Variants in ZSWIM5 observed in about 807,000 individuals in gnomAD.
ZSWIM5 encodes zinc finger SWIM domain-containing protein 5.
ZSWIM5 carries 55 observed loss-of-function variants against 119.6 expected under a neutral mutation model. That is an observed-to-expected ratio of 0.46 (90% confidence interval 0.37 to 0.58). ZSWIM5 has a LOEUF of 0.58. ZSWIM5 is among the 20% of genes least tolerant of loss of function. The pLI is 0.00. For synonymous variants in ZSWIM5, 537 were observed against 606.9 expected (o/e 0.88, Z 1.69); for missense variants, 1,193 against 1,512.8 (o/e 0.79, Z 3.51).
At chr1:45,193,425 G>T (rs1646103418) in intron 1 of ZSWIM5, among the ~76,000 whole-genome samples, 1 of 152,100 alleles carries the variant, frequency 6.6e-6, no homozygotes, top group Non-Finnish European at 1.5e-5. Flanking sequence ...TACTATTGTG[G>T]GGTAAGAGAA....
chr1:45,106,020 G>A (rs972186717), intron 1 of ZSWIM5, among the ~76,000 whole-genome samples: 28 of 130,334 alleles, frequency 2.1e-4, no homozygotes, highest in South Asian at 5.3e-4. Context: ...CGGCCGCCCC[G>A]TCTGGGAGGT....
At chr1:45,058,419 C>G (rs1645134819) in intron 4 of ZSWIM5, among the ~76,000 whole-genome samples, 190 bp downstream of exon 4, 1 of 152,192 alleles carries the variant, frequency 6.6e-6, no homozygotes, top group South Asian at 2.1e-4. Context: ...ATGTCAATAG[C>G]AAAGCACAAT....
chr1:45,090,196 G>T (rs1645356892), intron 1 of ZSWIM5, among the ~76,000 whole-genome samples: 1 of 152,092 alleles, frequency 6.6e-6, no homozygotes, highest in African/African-American at 2.4e-5. Context: ...ATCACATAAA[G>T]CCACATTTAG....
chr1:45,163,610 C>A (rs1050669340), intron 1 of ZSWIM5, among the ~76,000 whole-genome samples: 1 of 152,158 alleles, frequency 6.6e-6, no homozygotes, highest in Non-Finnish European at 1.5e-5. Flanking sequence ...CTAGAATAAA[C>A]AGCATAGAGA....
At chr1:45,186,999 T>C (rs900002245) in intron 1 of ZSWIM5, among the ~76,000 whole-genome samples, 2 of 152,174 alleles carry the variant, frequency 1.3e-5, no homozygotes, top group African/African-American at 4.8e-5. Context: ...GTAGTTTCCT[T>C]ATAGAACACT....
chr1:45,205,297 TC>T (rs1325965392), intron 1 of ZSWIM5, among the ~76,000 whole-genome samples: 1 of 152,142 alleles, frequency 6.6e-6, no homozygotes, highest in East Asian at 1.9e-4. Flanking sequence ...GGGGCTTTTT[TC>T]CCAGTGTTAA....
At position 45,084,896 on chromosome 1, in the gene ZSWIM5, C is replaced by A. The variant is rs1408195446; in HGVS notation, c.952+2985G>T. 2.6e-5 allele frequency among the ~76,000 whole-genome samples: 4 copies of A among 152,224 alleles called. 1 individual carries two copies. The highest frequency in any genetic ancestry group is 2.6e-4 in the Admixed American group (4 of 15,286). On this transcript the variant is annotated intron_variant, in intron 2 of 13. Coordinates refer to ENST00000359600, the MANE Select transcript of ZSWIM5 (RefSeq NM_020883.2). Reference sequence around the variant, plus strand: ...GTTGGTGGATATACCATCCTGGGATCTGGAGGACAGTAGCCCCCTTCTCAG... The same window carrying A: ...GTTGGTGGATATACCATCCTGGGATATGGAGGACAGTAGCCCCCTTCTCAG...
chr1:45,062,692 A>G (rs1035875452), intron 2 of ZSWIM5, among the ~76,000 whole-genome samples: 3 of 152,042 alleles, frequency 2.0e-5, no homozygotes, highest in African/African-American at 7.3e-5. Context: ...TTTTTTGTAG[A>G]GATAGGGTCT....
intron 4 of ZSWIM5, among the ~76,000 whole-genome samples, 176 bp downstream of exon 4, chr1:45,058,433 G>A (rs967285081): frequency 7.2e-5 from 11 of 152,226 alleles, no homozygotes; most frequent in African/African-American, 2.4e-4. Flanking sequence ...GCACAATGCT[G>A]TGGAAGCAAC....
At chr1:45,149,109 T>G (rs1429742961) in intron 1 of ZSWIM5, among the ~76,000 whole-genome samples, 2 of 147,868 alleles carry the variant, frequency 1.4e-5, no homozygotes, top group Non-Finnish European at 3.0e-5. Flanking sequence ...CCTCTACAAT[T>G]TTTTTTTTTT....
rs1442723851 is a variant in ZSWIM5, at chr1:45,051,257, GA to G, written c.1253-5del. ...ATTATGCACACCCATAAAGCCCCTG[GA>G]AAATAAAGCAACCCATATTCTTAAC... On this transcript the variant is annotated splice_region_variant and splice_polypyrimidine_tract_variant and intron_variant, in intron 4 of 13. Coordinates refer to ENST00000359600, the MANE Select transcript of ZSWIM5 (RefSeq NM_020883.2). The G allele has an allele frequency of 1.9e-6, 3 of 1,611,820 alleles. No homozygotes were observed. The African/African-American group carries it at 4.0e-5, about 22-fold the overall frequency.
chr1:45,067,281 A>C (rs1645189150), intron 2 of ZSWIM5, among the ~76,000 whole-genome samples: 1 of 151,996 alleles, frequency 6.6e-6, no homozygotes, highest in African/African-American at 2.4e-5. Context: ...CTATAAAAAA[A>C]TACAAAAATT....
chr1:45,022,194 G>A (rs968686844), intron 11 of ZSWIM5, among the ~76,000 whole-genome samples: 2 of 149,550 alleles, frequency 1.3e-5, no homozygotes, highest in Non-Finnish European at 3.0e-5. Context: ...GCAGTGGCGC[G>A]ATCTTGGCTC....
intron 1 of ZSWIM5, among the ~76,000 whole-genome samples, chr1:45,161,061 T>A (rs1645861387): frequency 6.7e-6 from 1 of 149,778 alleles, no homozygotes; most frequent in Non-Finnish European, 1.5e-5. Context: ...TGACCTCAGG[T>A]GATCCTCCTT....
intron 1 of ZSWIM5, among the ~76,000 whole-genome samples, chr1:45,126,682 A>T (rs1645623860): frequency 6.6e-6 from 1 of 152,152 alleles, no homozygotes; most frequent in South Asian, 2.1e-4. Context: ...GCAGGAGGAT[A>T]GCTTGAGCTC....
chr1:45,122,967 G>A (rs1340260350), intron 1 of ZSWIM5, among the ~76,000 whole-genome samples: 3 of 152,070 alleles, frequency 2.0e-5, no homozygotes, highest in South Asian at 4.1e-4. Flanking sequence ...CAGTGGTAAC[G>A]AGGCCACCAC....
rs371047099 is a variant in ZSWIM5, at chr1:45,043,375, G to A, written c.1453C>T (p.Arg485Ter). 15 of 1,614,172 alleles carry A rather than the reference G, an allele frequency of 9.3e-6. No individual in the cohort carries two copies. The highest frequency in any genetic ancestry group is 1.3e-5 in the African/African-American group (1 of 75,050). ...TCAATGGCTCTAGTGAATACTGTTC[G>A]TCTTGGTCTGGATAAGGAGTCTGGA... ...HSPDSLSRPR[R>*]TVFTRAIEGR... Residue 485 changes from arginine to a stop codon, truncating the protein, a stop_gained, in exon 6 of 14, where the codon CGA becomes TGA. Transcript: ENST00000359600. LOFTEE classifies it high-confidence loss of function.
chr1:45,024,260 G>C (rs1262669745), intron 11 of ZSWIM5, among the ~76,000 whole-genome samples: 4 of 142,684 alleles, frequency 2.8e-5, no homozygotes, highest in Non-Finnish European at 6.0e-5. Flanking sequence ...GCCGTGATCT[G>C]GGCTCACTGC....
At chr1:45,027,350 G>T (rs1361098409) in intron 11 of ZSWIM5, among the ~76,000 whole-genome samples, 1 of 151,694 alleles carries the variant, frequency 6.6e-6, no homozygotes, top group African/African-American at 2.4e-5. Context: ...TTTTACTAAT[G>T]TGCAAACTTA....
Sources: gnomAD v4.1 joint callset for allele counts (sites outside exome capture counted in the v4.1 genomes callset) on GRCh38, gnomAD v4.1.1 for gene constraint, MANE v1.5 for transcripts, NCBI Gene and HGNC (gene_info 2026-07-23, HGNC 2026-07-21) for gene names.